The following ABCC12 variants were observed in gnomAD, a reference collection of about 807,000 sequenced individuals.
ABCC12 encodes the protein ATP binding cassette subfamily C member 12.
In ABCC12, 142 loss-of-function variants were observed where a neutral mutation model predicts 151.1. The observed-to-expected ratio is 0.94, with a 90% CI of 0.82 to 1.08. The LOEUF is 1.08. Ranked by LOEUF, ABCC12 falls within the 50% of genes least tolerant of loss-of-function variation. The pLI is 0.00. For synonymous variants in ABCC12, 645 were observed against 646.4 expected, an observed-to-expected ratio of 1.00 and a Z score of 0.03; for missense variants, 1,638 against 1,691.1, an observed-to-expected ratio of 0.97 and a Z score of 0.55.
chr16:48,094,934 C>A (rs960836537), intron 24 of ABCC12, among the ~76,000 whole-genome samples: 3 of 152,108 alleles, frequency 2.0e-5, no homozygotes, highest in African/African-American at 7.2e-5. Context: ...ACTAATGGGT[C>A]AGGAGACAGA....
chr16:48,134,629 G>C (rs993250931), intron 8 of ABCC12, among the ~76,000 whole-genome samples: 2 of 152,124 alleles, frequency 1.3e-5, no homozygotes, highest in African/African-American at 4.8e-5. Context: ...AGGAGGTCAC[G>C]CCCAAAGGCC....
chr16:48,106,704 C>G (rs1384322143), intron 20 of ABCC12, among the ~76,000 whole-genome samples: 7 of 152,300 alleles, frequency 4.6e-5, no homozygotes, highest in Non-Finnish European at 1.0e-4. Context: ...GCCAGCGTCC[C>G]CACAGCACTC....
chr16:48,132,301 G>A (rs1225491025), intron 9 of ABCC12, among the ~76,000 whole-genome samples: 1 of 152,186 alleles, frequency 6.6e-6, no homozygotes, highest in Non-Finnish European at 1.5e-5. Context: ...AGAATAAACT[G>A]TGCATGAGTG....
chr16:48,096,996 G>A, intron 23 of ABCC12, 94 bp from the exon 24 acceptor site: 2 of 1,509,978 alleles, frequency 1.3e-6, no homozygotes, highest in South Asian at 1.1e-5. Flanking sequence ...AGGTTAGGGT[G>A]ACTGGAGAAA....
intron 18 of ABCC12, among the ~76,000 whole-genome samples, 162 bp from the exon 19 acceptor site, chr16:48,108,691 C>T (rs936730238): frequency 6.6e-6 from 1 of 152,178 alleles, no homozygotes; most frequent in African/African-American, 2.4e-5. Context: ...CACTTTTGCT[C>T]ATTTTGTGCT....
chr16:48,100,591 T>C (rs935288457), intron 23 of ABCC12, among the ~76,000 whole-genome samples: 2 of 152,222 alleles, frequency 1.3e-5, no homozygotes, highest in African/African-American at 4.8e-5. Context: ...TTTTCTTCTT[T>C]TCCCTATCTT....
intron 25 of ABCC12, among the ~76,000 whole-genome samples, chr16:48,089,282 T>C (rs1165966473): frequency 2.0e-5 from 3 of 152,132 alleles, no homozygotes; most frequent in Non-Finnish European, 4.4e-5. Context: ...ATGTCAGAAG[T>C]GTAGCCCTGA....
rs562366540 is a variant in ABCC12, at chr16:48,141,746, C to G, written c.276-393G>C. The stretch of plus-strand genomic sequence containing the variant: ...ACCAGAGAGACAGGAGTGTGGTGCA[C>G]AAAGAGGAGGGGCTGATGGAACAGT... On this transcript the variant is annotated intron_variant, in intron 4 of 30. Coordinates refer to ENST00000311303, the MANE Select transcript of ABCC12 (RefSeq NM_001393797.1). Among the ~76,000 whole-genome samples, 3 of 152,246 alleles carry G rather than the reference C, an allele frequency of 2.0e-5. No individual in the cohort carries two copies. The South Asian group carries it at 6.2e-4, about 32-fold the overall frequency.
At chr16:48,136,283 G>A (rs897441517) in intron 8 of ABCC12, among the ~76,000 whole-genome samples, 2 of 151,986 alleles carry the variant, frequency 1.3e-5, no homozygotes, top group East Asian at 1.9e-4. Flanking sequence ...TCCCTAAGTG[G>A]GCTTCCCCAG....
intron 13 of ABCC12, among the ~76,000 whole-genome samples, chr16:48,118,737 T>G (rs1963972211): frequency 6.6e-6 from 1 of 152,216 alleles, no homozygotes; most frequent in Non-Finnish European, 1.5e-5. Context: ...CCAAGCATCA[T>G]GCCCACACAC....
At chr16:48,116,580 G>C (rs1415650380) in intron 14 of ABCC12, among the ~76,000 whole-genome samples, 1 of 152,146 alleles carries the variant, frequency 6.6e-6, no homozygotes, top group African/African-American at 2.4e-5. Context: ...GGTGAACCAG[G>C]GCTGCAGTGT....
chr16:48,130,601 T>C (rs555237070), intron 10 of ABCC12, among the ~76,000 whole-genome samples, 187 bp downstream of exon 10: 1 of 152,346 alleles, frequency 6.6e-6, no homozygotes, highest in South Asian at 2.1e-4. Flanking sequence ...AGACAACCTA[T>C]AAAACTCTGC....
chr16:48,132,426 AT>A (rs1964458807), intron 9 of ABCC12, among the ~76,000 whole-genome samples: 1 of 152,118 alleles, frequency 6.6e-6, no homozygotes. Context: ...CAGCAAGACC[AT>A]TCTGGCTTTG....
rs773320356 is a variant in ABCC12 at position 48,111,439 on chromosome 16, T to C, written c.2278A>G (p.Lys760Glu). The C allele has an allele frequency of 1.9e-6, 3 of 1,614,116 alleles. No individual in the cohort carries two copies. The highest frequency in any genetic ancestry group is 1.3e-5 in the African/African-American group (1 of 75,048). Residue 760 changes from lysine to glutamate, a missense_variant, in exon 18 of 31, where the codon AAA becomes GAA. Physicochemically the swap from Lys to Glu is moderately conservative, Grantham distance 56 (BLOSUM62 1). Coordinates refer to ENST00000311303, the MANE Select transcript of ABCC12 (RefSeq NM_001393797.1). Reference protein sequence around the residue: ...SETGSEFVDTKVPEHQLIQTE... With the variant: ...SETGSEFVDTEVPEHQLIQTE... ...TGAGGGGATGTGTGGTAAATACCTT[T>C]TGTGTCTACAAATTCTGAGCCTGTT...
At chr16:48,111,935 G>A (rs1399063648) in intron 15 of ABCC12, 25 bp from the exon 16 acceptor site, 1 of 1,608,668 alleles carries the variant, frequency 6.2e-7, no homozygotes, top group Admixed American at 1.7e-5. Context: ...GATCGACAAT[G>A]AACTTCTGCC....
rs1178795905 is a variant in ABCC12 at position 48,111,508 on chromosome 16, C to G, written c.2210-1G>C. ...TCTTTCTCATTTCCTGGAGCCAAAA[C>G]TAGGGTGAGAAATAAAGAGAGATCT... On this transcript the variant is annotated splice_acceptor_variant, in intron 17 of 30. Transcript: ENST00000311303. LOFTEE classifies it high-confidence loss of function. The G allele has an allele frequency of 6.2e-7, 1 of 1,614,052 alleles. No homozygotes were observed. The highest frequency in any genetic ancestry group is 2.2e-5 in the East Asian group (1 of 44,888).
chr16:48,112,587 T>A (rs1963735298), intron 15 of ABCC12, among the ~76,000 whole-genome samples: 1 of 152,140 alleles, frequency 6.6e-6, no homozygotes, highest in South Asian at 2.1e-4. Flanking sequence ...AGAGCAAGAC[T>A]CTGTCTCAAA....
chr16:48,107,324 G>A lies in ABCC12; in HGVS notation c.2473C>T (p.Arg825Trp), dbSNP rs771542253. ...TCCAATGCCAAAGGGAAACTCACCC[G>A]TGAGCCCTTGTCCAACCAGAGACCC... ...WLGLWLDKGSRMTCGPQGNRT... is the reference protein window; with the variant it reads ...WLGLWLDKGSWMTCGPQGNRT... The change falls in exon 20 of 31, where the codon CGG (arginine) becomes TGG (tryptophan). Residue 825 changes from arginine (R) to tryptophan (W), a missense_variant and splice_region_variant. By Grantham distance (101) the Arg-to-Trp change is moderately radical (BLOSUM62 -3). Coordinates refer to ENST00000311303, the MANE Select transcript of ABCC12 (RefSeq NM_001393797.1). 3.0e-5 allele frequency: 48 copies of A among 1,613,762 alleles called. No individual in the cohort carries two copies. The highest frequency in any genetic ancestry group is 3.6e-5 in the Non-Finnish European group (43 of 1,179,814).
chr16:48,142,847 G>C (rs982182357), intron 4 of ABCC12, among the ~76,000 whole-genome samples: 2 of 152,128 alleles, frequency 1.3e-5, no homozygotes, highest in African/African-American at 2.4e-5. Context: ...ATCTGTGAGT[G>C]GGGGGTAAGA....
Sources: gnomAD v4.1 joint callset for allele counts (sites outside exome capture counted in the v4.1 genomes callset) on GRCh38, gnomAD v4.1.1 for gene constraint, MANE v1.5 for transcripts, NCBI Gene and HGNC (gene_info 2026-07-23, HGNC 2026-07-21) for gene names.